Variants in ANO3 observed in about 807,000 individuals in gnomAD.
ANO3 encodes the protein anoctamin-3.
ANO3 carries 99 observed loss-of-function variants against 144.8 expected under a neutral mutation model. The ratio of observed to expected loss-of-function variants is 0.68; its 90% confidence interval spans 0.58 to 0.81. The LOEUF (loss-of-function observed/expected upper bound fraction) is 0.81. ANO3 is among the 30% of genes least tolerant of loss of function. The probability of loss-of-function intolerance (pLI) is 0.00; values close to 1 mark genes in which losing one functional copy is unlikely to be tolerated. For missense variants in ANO3, 905 were observed against 1,202.2 expected, an observed-to-expected ratio of 0.75 and a Z score of 3.66; for synonymous variants, 414 against 392.6, an observed-to-expected ratio of 1.05 and a Z score of -0.64.
At chr11:26,625,281 A>G (rs553221863) in intron 18 of ANO3, among the ~76,000 whole-genome samples, 6 of 152,194 alleles carry the variant, frequency 3.9e-5, no homozygotes, top group African/African-American at 7.2e-5. Context: ...TCCACGTGAT[A>G]TCGTTCTATT....
intron 1 of ANO3, among the ~76,000 whole-genome samples, chr11:26,336,394 A>G (rs944649903): frequency 2.6e-5 from 4 of 152,380 alleles, no homozygotes; most frequent in Non-Finnish European, 4.4e-5. Flanking sequence ...ACATTTGGTT[A>G]AAACAGAGAG....
At chr11:26,311,362 T>C (rs921210743) in intron 1 of ANO3, among the ~76,000 whole-genome samples, 1 of 152,206 alleles carries the variant, frequency 6.6e-6, no homozygotes, top group African/African-American at 2.4e-5. Context: ...CACGAAGGCC[T>C]GACCGGGACT....
At chr11:26,427,714 A>G (rs1857959480) in intron 1 of ANO3, among the ~76,000 whole-genome samples, 1 of 152,080 alleles carries the variant, frequency 6.6e-6, no homozygotes, top group African/African-American at 2.4e-5. Flanking sequence ...TCACACTGCT[A>G]ATAAAGACAT....
At chr11:26,350,369 A>T (rs943167701) in intron 1 of ANO3, among the ~76,000 whole-genome samples, 2 of 152,168 alleles carry the variant, frequency 1.3e-5, no homozygotes, top group African/African-American at 4.8e-5. Context: ...TTAGGGGGAA[A>T]TATATTTGTG....
intron 5 of ANO3, chr11:26,508,785 T>TA (rs200866667): frequency 0.089 from 13,520 of 151,232 alleles, 836 homozygotes; most frequent in Admixed American, 0.14. Context: ...AGAGAAAATT[T>TA]AAAAAAAAAC....
intron 8 of ANO3, among the ~76,000 whole-genome samples, chr11:26,532,181 C>T (rs1849391648): frequency 6.6e-6 from 1 of 152,158 alleles, no homozygotes; most frequent in Non-Finnish European, 1.5e-5. Flanking sequence ...ATGGGAAACC[C>T]TCCTTTTCCC....
intron 14 of ANO3, among the ~76,000 whole-genome samples, chr11:26,592,943 T>C (rs140428168): frequency 3.6e-4 from 55 of 152,280 alleles, no homozygotes; most frequent in African/African-American, 1.2e-3. Flanking sequence ...CGGAGGGGAT[T>C]ACTCCATATG....
At chr11:26,191,835 G>C (rs192684328) in intron 1 of ANO3, among the ~76,000 whole-genome samples, 5 of 151,884 alleles carry the variant, frequency 3.3e-5, no homozygotes, top group Admixed American at 2.6e-4. Flanking sequence ...TCCTGTTGCC[G>C]AACATCTGTA....
At chr11:26,576,444 TCTAA>T (rs148594233) in intron 14 of ANO3, among the ~76,000 whole-genome samples, 1,531 of 152,300 alleles carry the variant, frequency 0.01, 23 homozygotes, top group African/African-American at 0.034. Context: ...TTGAGAGGAA[TCTAA>T]CTAAGTGTAC....
At chr11:26,209,545 T>A (rs1023447904) in intron 1 of ANO3, among the ~76,000 whole-genome samples, 4 of 152,126 alleles carry the variant, frequency 2.6e-5, no homozygotes, top group Non-Finnish European at 5.9e-5. Context: ...TATTTCTGGT[T>A]CTAGATCCTT....
chr11:26,586,449 T>C (rs1247931098), intron 14 of ANO3, among the ~76,000 whole-genome samples: 1 of 148,642 alleles, frequency 6.7e-6, no homozygotes. Flanking sequence ...CTAGAATTGA[T>C]CTTGATTGTT....
Position 26,304,009 on chromosome 11 carries a change from G to T in ANO3, c.155-5636G>T, listed in dbSNP as rs182399431. On this transcript the variant is annotated intron_variant, in intron 1 of 27. Transcript: ENST00000672621. ...ATTACAGGCGTGAGCCATCGTGCACGGCCAAAATTATTTTTTTAAGTTTCT... is the reference window on the plus strand; with the variant it reads ...ATTACAGGCGTGAGCCATCGTGCACTGCCAAAATTATTTTTTTAAGTTTCT... 2.0e-5 allele frequency among the ~76,000 whole-genome samples: 3 copies of T among 152,142 alleles called. No individual in the cohort carries two copies. In the East Asian group the frequency reaches 5.8e-4, roughly 29 times the overall value.
chr11:26,426,191 A>C (rs1464948189), intron 1 of ANO3, among the ~76,000 whole-genome samples: 1 of 152,218 alleles, frequency 6.6e-6, no homozygotes, highest in Admixed American at 6.5e-5. Context: ...TTAGTCACTT[A>C]AACATTATAA....
chr11:26,532,086 G>C (rs1849388968), intron 8 of ANO3, among the ~76,000 whole-genome samples: 2 of 152,160 alleles, frequency 1.3e-5, no homozygotes, highest in South Asian at 4.1e-4. Flanking sequence ...ATTGTGAATT[G>C]AGCTATATTC....
At position 26,296,554 on chromosome 11, in the gene ANO3, A is replaced by G. The variant is rs1023056931; in HGVS notation, c.155-13091A>G. 5.3e-5 allele frequency among the ~76,000 whole-genome samples: 8 copies of G among 152,192 alleles called. No homozygotes were observed. In the South Asian group the frequency reaches 8.3e-4, roughly 16 times the overall value. On this transcript the variant is annotated intron_variant, in intron 1 of 27. Transcript: ENST00000672621. The stretch of plus-strand genomic sequence containing the variant: ...CCTTGAATCTGAGATTAGTTTTACC[A>G]TGAGACTTGAATATTTTACTGAGGT...
intron 1 of ANO3, among the ~76,000 whole-genome samples, chr11:26,435,791 C>T (rs774945112): frequency 2.6e-5 from 4 of 152,100 alleles, no homozygotes; most frequent in Non-Finnish European, 5.9e-5. Context: ...ACTTCTGTAT[C>T]ATTTTATTAT....
chr11:26,564,726 CACACACATAT>C (rs1850471623), intron 14 of ANO3, among the ~76,000 whole-genome samples: 32 of 49,298 alleles, frequency 6.5e-4, no homozygotes, highest in African/African-American at 1.1e-3. Context: ...CACACACACA[CACACACATAT>C]ATATATATAT....
chr11:26,404,159 A>T (rs1857218059), intron 1 of ANO3, among the ~76,000 whole-genome samples: 1 of 151,906 alleles, frequency 6.6e-6, no homozygotes, highest in Non-Finnish European at 1.5e-5. Context: ...TAGGATGAGC[A>T]CAGTGTCTAT....
At chr11:26,223,796 A>G (rs1451736331) in intron 1 of ANO3, among the ~76,000 whole-genome samples, 1 of 151,914 alleles carries the variant, frequency 6.6e-6, no homozygotes. Flanking sequence ...GAGCAGGAGC[A>G]AGAGACAGAG....
Sources: gnomAD v4.1 joint callset for allele counts (sites outside exome capture counted in the v4.1 genomes callset) on GRCh38, gnomAD v4.1.1 for gene constraint, MANE v1.5 for transcripts, NCBI Gene and HGNC (gene_info 2026-07-23, HGNC 2026-07-21) for gene names.